Variants in NACA observed in about 807,000 individuals in gnomAD.
NACA encodes nascent polypeptide-associated complex subunit alpha.
NACA carries 42 observed loss-of-function variants against 86.4 expected under a neutral mutation model. The ratio of observed to expected loss-of-function variants is 0.49; its 90% CI spans 0.38 to 0.63. The LOEUF (loss-of-function observed/expected upper bound fraction) is 0.63. Ranked by LOEUF, NACA falls within the 20% of genes least tolerant of loss-of-function variation. The probability of loss-of-function intolerance (pLI) is 0.00; values close to 1 mark genes in which losing one functional copy is unlikely to be tolerated. For missense variants in NACA, 2,157 were observed against 2,483.6 expected (o/e 0.87, Z 2.80); for synonymous variants, 898 against 973.7 (o/e 0.92, Z 1.45).
In NACA at chr12:56,714,677, T is replaced by C. The variant is rs148340957; in HGVS notation, c.5670A>G (p.Thr1890=). The C allele has an allele frequency of 5.6e-4, 896 of 1,614,178 alleles. 3 individuals carry two copies. In the Middle Eastern group the frequency reaches 8.9e-3, roughly 16 times the overall value. ...PVTKNNKGSG[T]ESDSDESVPE... ...GTACTGATTCATCACTGTCAGATTC[T>C]GTTCCAGACCCTAAGATGAGAAACA... The change falls in exon 4 of 9, where the codon ACA becomes ACG. Residue 1890 remains threonine, a synonymous_variant. Coordinates refer to ENST00000454682, the MANE Select transcript of NACA (RefSeq NM_001365896.1).
In NACA at chr12:56,716,579, G is replaced by A. The variant is rs762184850; in HGVS notation, c.4951C>T (p.Pro1651Ser). The change falls in exon 3 of 9, where the codon CCT becomes TCT. Residue 1651 changes from proline to serine, a missense_variant. By Grantham distance (74) the Pro-to-Ser change is moderately conservative (BLOSUM62 -1). This residue lies in a region of NACA where 797 missense variants were observed against 777.6 expected (regional missense o/e 1.02). Coordinates refer to ENST00000454682, the MANE Select transcript of NACA (RefSeq NM_001365896.1). ...PVTPSSLKDS[P>S]TSPASVTCKM... The stretch of plus-strand genomic sequence containing the variant: ...CATGTGACAGAAGCTGGGGAAGTAG[G>A]GGAGTCTTTGAGGGAGGAAGGAGTC... 2 of 1,455,818 alleles carry A rather than the reference G, an allele frequency of 1.4e-6. No individual in the cohort carries two copies. The highest frequency in any genetic ancestry group is 3.0e-5 in the East Asian group (1 of 33,606). The allele number at this position is 1,455,818 out of a possible 1,614,324, so 90.2% of individuals were successfully genotyped here.
In NACA at chr12:56,712,476, C is replaced by T; in HGVS notation, c.*62G>A. On this transcript the variant is annotated 3_prime_UTR_variant, in exon 9 of 9. Transcript: ENST00000454682. Reference sequence around the variant, plus strand: ...AACTTTATTTATGATAGAAACAGTACAAATTTCAAACCAAGCTGCAGTTAC... The same window carrying T: ...AACTTTATTTATGATAGAAACAGTATAAATTTCAAACCAAGCTGCAGTTAC... The T allele has an allele frequency of 3.9e-6, 6 of 1,541,708 alleles. No homozygotes were observed. The highest frequency in any genetic ancestry group is 2.2e-5 in the East Asian group (1 of 44,448).
intron 2 of NACA, among the ~76,000 whole-genome samples, chr12:56,722,844 A>T (rs1953610118): frequency 6.8e-6 from 1 of 146,092 alleles, no homozygotes; most frequent in African/African-American, 2.5e-5. Context: ...GAGGTAACAC[A>T]GAATTGGATC....
At position 56,713,223 on chromosome 12, in the gene NACA, A is replaced by G. The variant is rs1426382308; in HGVS notation, c.5971-33T>C. On this transcript the variant is annotated intron_variant, in intron 6 of 8. Transcript: ENST00000454682. ...GTAGAAAATACAGATCCATGTGAGTAGATTAGCAGTCTTTGAAAAATAAAT... is the reference window on the plus strand; with the variant it reads ...GTAGAAAATACAGATCCATGTGAGTGGATTAGCAGTCTTTGAAAAATAAAT... 8.1e-6 allele frequency: 13 copies of G among 1,608,386 alleles called. No homozygotes were observed. In the East Asian group the frequency reaches 1.6e-4, roughly 19 times the overall value.
rs1467377738 is a variant in NACA at position 56,717,195 on chromosome 12, CT to C, written c.4334del (p.Lys1445ArgfsTer26). The C allele has an allele frequency of 4.0e-6, 5 of 1,257,784 alleles. No individual in the cohort carries two copies. Among genetic ancestry groups the C allele is most frequent in the South Asian group, 3.4e-5 (2 of 58,566 alleles). 77.9% of individuals were successfully genotyped at this position (1,257,784 alleles called of 1,614,324 possible). On this transcript the variant is annotated frameshift_variant, in exon 3 of 9. Transcript: ENST00000454682. LOFTEE classifies it high-confidence loss of function. Reference sequence around the variant, plus strand: ...CTTTGGGGGCTGAAGTTGCTGGGGCCTTTTTGAGGGAGACAGGAGTCACTGC... The same window carrying C: ...CTTTGGGGGCTGAAGTTGCTGGGGCCTTTTGAGGGAGACAGGAGTCACTGC... Reference protein sequence around the residue: ...PPAVTPVSLKKAPATSAPKGG... With the variant: ...PPAVTPVSLKXAPATSAPKGG...
Position 56,716,061 on chromosome 12 carries a change from C to T in NACA, c.5469G>A (p.Leu1823=). 6.2e-7 allele frequency: 1 copy of T among 1,611,446 alleles called. No homozygotes were observed. The highest frequency in any genetic ancestry group is 8.5e-7 in the Non-Finnish European group (1 of 1,178,380). The part of the protein sequence containing the change: ...KQQFLPSSPG[L]VLESPSKPLA... ...GGGGTTTAGAGGGTGATTCCAACAC[C>T]AGCCCAGGAGAGGACGGCAGAAATT... Residue 1823 remains leucine, a synonymous_variant, in exon 3 of 9, where the codon CTG becomes CTA. Coordinates refer to ENST00000454682, the MANE Select transcript of NACA (RefSeq NM_001365896.1).
chr12:56,724,680 A>T (rs997781386), intron 1 of NACA, 157 bp from the exon 2 acceptor site: 1 of 700,418 alleles, frequency 1.4e-6, no homozygotes, highest in Non-Finnish European at 2.4e-6. Flanking sequence ...TGGGAATAAG[A>T]GGTAAATATG....
Position 56,720,888 on chromosome 12 carries a change from G to A in NACA, c.642C>T (p.Tyr214=). 1 of 1,614,006 alleles carries A rather than the reference G, an allele frequency of 6.2e-7. No individual in the cohort carries two copies. Residue 214 remains tyrosine, a synonymous_variant, in exon 3 of 9, where the codon TAC becomes TAT. Coordinates refer to ENST00000454682, the MANE Select transcript of NACA (RefSeq NM_001365896.1). ...TAGAGGCCATGGGAGTCACACAGTG[G>A]TAAGGAACAGTACTGACTATACATG... ...SPPCIVSTVP[Y]HCVTPMASIQ... is the part of the protein sequence containing the mutation.
At position 56,718,992 on chromosome 12, in the gene NACA, A is replaced by G. The variant is rs377282943; in HGVS notation, c.2538T>C (p.Ser846=). 44 of 1,447,430 alleles carry G rather than the reference A, an allele frequency of 3.0e-5. No individual in the cohort carries two copies. Among genetic ancestry groups the G allele is most frequent in the Non-Finnish European group, 3.9e-5 (42 of 1,071,382 alleles). The allele number at this position is 1,447,430 out of a possible 1,614,324, so 89.7% of individuals were successfully genotyped here. ...LPENSLSFQG[S]KDSPATTHSP... is the part of the protein sequence containing the mutation. The stretch of plus-strand genomic sequence containing the variant: ...AATGCGTCGTGGCTGGTGAGTCTTT[A>G]GAGCCTTGGAAAGAAAGACTATTCT... Residue 846 remains serine (S), a synonymous_variant, in exon 3 of 9, where the codon TCT becomes TCC. Transcript: ENST00000454682.
At chr12:56,723,731 G>A (rs559972022) in intron 2 of NACA, among the ~76,000 whole-genome samples, 2 of 152,218 alleles carry the variant, frequency 1.3e-5, no homozygotes, top group South Asian at 2.1e-4. Flanking sequence ...ATTTAACGCT[G>A]CACAACTGAC....
Position 56,717,229 on chromosome 12 carries a change from G to C in NACA, c.4301C>G (p.Thr1434Ser), listed in dbSNP as rs777911115. 5 of 1,317,088 alleles carry C rather than the reference G, an allele frequency of 3.8e-6. No homozygotes were observed. In the African/African-American group the frequency reaches 7.6e-5, roughly 20 times the overall value. 81.6% of individuals were successfully genotyped at this position (1,317,088 alleles called of 1,614,324 possible). A position where few individuals can be genotyped will look rare whatever the true frequency, so the allele number is the denominator to read the frequency against. The stretch of plus-strand genomic sequence containing the variant: ...GGAGACAGGAGTCACTGCTGGGGGA[G>C]TGAGATCTCCTTTGGATGGGGTGGC... ...GAATPSKGDLTPPAVTPVSLK... is the reference protein window; with the variant it reads ...GAATPSKGDLSPPAVTPVSLK... Residue 1434 changes from threonine (T) to serine (S), a missense_variant, in exon 3 of 9, where the codon ACT becomes AGT. By Grantham distance (58) the Thr-to-Ser change is moderately conservative (BLOSUM62 1). Coordinates refer to ENST00000454682, the MANE Select transcript of NACA (RefSeq NM_001365896.1).
Position 56,718,429 on chromosome 12 carries a change from G to A in NACA, c.3101C>T (p.Thr1034Ile). Residue 1034 changes from threonine to isoleucine, a missense_variant, in exon 3 of 9, where the codon ACA becomes ATA. Thr to Ile is a moderately conservative substitution (Grantham distance 89). Transcript: ENST00000454682. ...GGAGGGAGGAGTTGCAGCTGGGGGT[G>A]TGGATGCCCCTTTGGGGAATGGGGT... ...AATPFPKGAS[T>I]PPAATPPSPK... 2 of 1,240,198 alleles carry A rather than the reference G, an allele frequency of 1.6e-6. No homozygotes were observed. Among genetic ancestry groups the A allele is most frequent in the Non-Finnish European group, 2.1e-6 (2 of 972,868 alleles). The allele number at this position is 1,240,198 out of a possible 1,614,324, so 76.8% of individuals were successfully genotyped here.
At position 56,720,211 on chromosome 12, in the gene NACA, G is replaced by A. The variant is rs1592320235; in HGVS notation, c.1319C>T (p.Pro440Leu). ...QMPVSSVGTT[P>L]LVVTNPCTIA... ...TGTACAGGGGTTAGTCACCACAAGT[G>A]GGGTGGTTCCAACAGAAGAAACGGG... Residue 440 changes from proline to leucine, a missense_variant, in exon 3 of 9, where the codon CCA becomes CTA. Pro to Leu is a moderately conservative substitution (Grantham distance 98, BLOSUM62 -3). Around this residue, in one of 8 missense-constraint regions of NACA, gnomAD observed 947 missense variants for 917.9 expected, o/e 1.03. Transcript: ENST00000454682. 1.9e-6 allele frequency: 3 copies of A among 1,613,976 alleles called. No homozygotes were observed. Among genetic ancestry groups the A allele is most frequent in the Non-Finnish European group, 2.5e-6 (3 of 1,179,890 alleles).
intron 1 of NACA, chr12:56,724,864 C>T (rs1244877539): frequency 2.3e-5 from 6 of 264,770 alleles, no homozygotes; most frequent in Admixed American, 1.6e-4. Flanking sequence ...CGTTTGCCGA[C>T]TTTGGGGTAC....
In NACA at chr12:56,712,462, T is replaced by C. The variant is rs1488469377; in HGVS notation, c.*76A>G. 1.4e-6 allele frequency: 2 copies of C among 1,456,884 alleles called. No individual in the cohort carries two copies. The highest frequency in any genetic ancestry group is 2.8e-5 in the African/African-American group (2 of 70,632). The allele number at this position is 1,456,884 out of a possible 1,614,324, so 90.2% of individuals were successfully genotyped here. On this transcript the variant is annotated 3_prime_UTR_variant, in exon 9 of 9. Coordinates refer to ENST00000454682, the MANE Select transcript of NACA (RefSeq NM_001365896.1). ...CAACAAGAAGCCATAACTTTATTTA[T>C]GATAGAAACAGTACAAATTTCAAAC... is the stretch of plus-strand genomic sequence containing the variant.
Position 56,712,776 on chromosome 12 carries a change from G to C in NACA, c.6222+10C>G. 6.2e-7 allele frequency: 1 copy of C among 1,614,172 alleles called. No homozygotes were observed. The highest frequency in any genetic ancestry group is 8.5e-7 in the Non-Finnish European group (1 of 1,180,034). On this transcript the variant is annotated intron_variant, in intron 8 of 8. Transcript: ENST00000454682. ...AGAGGGAGTCAAGGAACAAAGGCTT[G>C]AACACTTACCATAATCGCATTTACA... is the stretch of plus-strand genomic sequence containing the variant.
chr12:56,721,342 T>C lies in NACA; in HGVS notation c.188A>G (p.Gln63Arg). Residue 63 changes from glutamine (Q) to arginine (R), a missense_variant, in exon 3 of 9, where the codon CAG becomes CGG. Coordinates refer to ENST00000454682, the MANE Select transcript of NACA (RefSeq NM_001365896.1). ...PQQCPLSAAN[Q>R]ASPFPSPSTI... is the part of the protein sequence containing the mutation. ...AGAGGGGGAAGGGAATGGGGAAGCC[T>C]GGTTAGCAGCTGAGAGAGGGCACTG... 6.3e-7 allele frequency: 1 copy of C among 1,599,216 alleles called. No individual in the cohort carries two copies. Among genetic ancestry groups the C allele is most frequent in the Non-Finnish European group, 8.5e-7 (1 of 1,174,262 alleles).
rs781294084 is a variant in NACA, at chr12:56,714,738, G to A, written c.5660-51C>T. 4.5e-6 allele frequency: 7 copies of A among 1,547,654 alleles called. No individual in the cohort carries two copies. In the South Asian group the frequency reaches 6.7e-5, roughly 15 times the overall value. On this transcript the variant is annotated intron_variant, in intron 3 of 8. Coordinates refer to ENST00000454682, the MANE Select transcript of NACA (RefSeq NM_001365896.1). ...CTTTATAGTAGAAATTATAAGAGAA[G>A]GTACTTCACCACAGCCTGCCCTGGA...
chr12:56,717,230 T>C lies in NACA; in HGVS notation c.4300A>G (p.Thr1434Ala). The C allele has an allele frequency of 7.7e-7, 1 of 1,291,632 alleles. No homozygotes were observed. The highest frequency in any genetic ancestry group is 1.0e-6 in the Non-Finnish European group (1 of 998,460). 80.0% of individuals were successfully genotyped at this position (1,291,632 alleles called of 1,614,324 possible). A position where few individuals can be genotyped will look rare whatever the true frequency, so the allele number is the denominator to read the frequency against. Residue 1434 changes from threonine to alanine, a missense_variant, in exon 3 of 9, where the codon ACT becomes GCT. By Grantham distance (58) the Thr-to-Ala change is moderately conservative. Coordinates refer to ENST00000454682, the MANE Select transcript of NACA (RefSeq NM_001365896.1). Reference sequence around the variant, plus strand: ...GAGACAGGAGTCACTGCTGGGGGAGTGAGATCTCCTTTGGATGGGGTGGCT... The same window carrying C: ...GAGACAGGAGTCACTGCTGGGGGAGCGAGATCTCCTTTGGATGGGGTGGCT... ...GAATPSKGDL[T>A]PPAVTPVSLK...
Sources: gnomAD v4.1 joint callset for allele counts (sites outside exome capture counted in the v4.1 genomes callset) on GRCh38, gnomAD v4.1.1 for gene constraint, gnomAD v4.1.1 regional missense constraint, MANE v1.5 for transcripts, NCBI Gene and HGNC (gene_info 2026-07-23, HGNC 2026-07-21) for gene names.